The following SETD3 variants were observed in gnomAD, a reference collection of about 807,000 sequenced individuals.
SETD3 encodes SET domain containing 3, actin N3(tau)-histidine methyltransferase.
Under a neutral mutation model 63.0 loss-of-function variants are expected in SETD3, and 19 were observed. The ratio of observed to expected loss-of-function variants is 0.30; its 90% CI spans 0.21 to 0.44. SETD3 has a LOEUF of 0.44. Ranked by LOEUF, SETD3 falls within the 20% of genes least tolerant of loss-of-function variation. SETD3 has a pLI of 1.00. For missense variants in SETD3, 587 were observed against 728.5 expected (o/e 0.81, Z 2.24); for synonymous variants, 286 against 264.1 (o/e 1.08, Z -0.80).
chr14:99,442,991 C>G (rs1893918803), intron 6 of SETD3, among the ~76,000 whole-genome samples: 1 of 152,204 alleles, frequency 6.6e-6, no homozygotes, highest in African/African-American at 2.4e-5. Flanking sequence ...TGTTGTGGCA[C>G]AGACCCCATT....
chr14:99,450,573 AAG>A (rs1171616748), intron 6 of SETD3, among the ~76,000 whole-genome samples: 1 of 152,178 alleles, frequency 6.6e-6, no homozygotes, highest in East Asian at 1.9e-4. Context: ...CTGTTCGAGG[AAG>A]ATGGCCAACT....
chr14:99,448,512 A>C (rs1894267337), intron 6 of SETD3, among the ~76,000 whole-genome samples: 1 of 152,174 alleles, frequency 6.6e-6, no homozygotes, highest in Admixed American at 6.5e-5. Flanking sequence ...CTAGATGAAC[A>C]ACCTGAAAAC....
chr14:99,467,445 C>T (rs1435304564), intron 1 of SETD3, among the ~76,000 whole-genome samples: 2 of 152,236 alleles, frequency 1.3e-5, no homozygotes, highest in Non-Finnish European at 2.9e-5. Context: ...AAGGGCACAG[C>T]CTGGACACAG....
At chr14:99,472,652 A>G in intron 1 of SETD3, among the ~76,000 whole-genome samples, 1 of 152,256 alleles carries the variant, frequency 6.6e-6, no homozygotes, top group African/African-American at 2.4e-5. Flanking sequence ...TTAGGAAAAT[A>G]TAAATGCATA....
chr14:99,425,496 G>C (rs1351579338), intron 6 of SETD3, among the ~76,000 whole-genome samples: 1 of 152,264 alleles, frequency 6.6e-6, no homozygotes, highest in Non-Finnish European at 1.5e-5. Context: ...AGTGCCTAAG[G>C]TTTCTGTGCT....
intron 1 of SETD3, among the ~76,000 whole-genome samples, chr14:99,472,732 T>C (rs1267011399): frequency 6.6e-6 from 1 of 152,196 alleles, no homozygotes; most frequent in Non-Finnish European, 1.5e-5. Flanking sequence ...GAAGGTACAA[T>C]GCTAACTCAA....
chr14:99,443,082 T>A (rs1270415193), intron 6 of SETD3, among the ~76,000 whole-genome samples: 2 of 152,312 alleles, frequency 1.3e-5, no homozygotes, highest in African/African-American at 4.8e-5. Context: ...TACAAGGTTA[T>A]TGTGAGGGCG....
At chr14:99,404,698 T>G (rs1299849212) in intron 10 of SETD3, among the ~76,000 whole-genome samples, 6 of 152,220 alleles carry the variant, frequency 3.9e-5, no homozygotes, top group African/African-American at 1.4e-4. Context: ...AAAAAAGGTC[T>G]GCATAATCCA....
intron 4 of SETD3, among the ~76,000 whole-genome samples, chr14:99,460,153 A>T (rs1894989191): frequency 7.8e-6 from 1 of 127,670 alleles, no homozygotes; most frequent in African/African-American, 2.7e-5. Context: ...ATCATGAAGG[A>T]AGAGACTGGT....
At chr14:99,469,564 C>T (rs1384861731) in intron 1 of SETD3, among the ~76,000 whole-genome samples, 4 of 152,118 alleles carry the variant, frequency 2.6e-5, no homozygotes, top group African/African-American at 7.2e-5. Flanking sequence ...GAAAACATGG[C>T]AAAACCTTGT....
At chr14:99,402,624 C>A (rs1475140873) in intron 11 of SETD3, among the ~76,000 whole-genome samples, 1 of 152,166 alleles carries the variant, frequency 6.6e-6, no homozygotes, top group African/African-American at 2.4e-5. Context: ...CTGGGTCTCA[C>A]TCTGTCACCC....
intron 6 of SETD3, among the ~76,000 whole-genome samples, chr14:99,420,088 G>A (rs1892505477): frequency 6.6e-6 from 1 of 152,200 alleles, no homozygotes; most frequent in Non-Finnish European, 1.5e-5. Flanking sequence ...TGGTAGGCAA[G>A]GTCATGCAAA....
upstream of SETD3, among the ~76,000 whole-genome samples, chr14:99,482,840 T>C (rs958869380): frequency 2.9e-5 from 4 of 139,876 alleles, no homozygotes; most frequent in Admixed American, 7.6e-5. Context: ...TTTCAGGACA[T>C]TATATTTGAA....
At chr14:99,443,779 G>GT (rs1893974060) in intron 6 of SETD3, among the ~76,000 whole-genome samples, 1 of 152,170 alleles carries the variant, frequency 6.6e-6, no homozygotes, top group Non-Finnish European at 1.5e-5. Flanking sequence ...AAACAAAACT[G>GT]TAAGATGAAG....
chr14:99,410,202 G>A, intron 8 of SETD3: 1 of 1,613,630 alleles, frequency 6.2e-7, no homozygotes, highest in Non-Finnish European at 8.5e-7. Context: ...AAGAGCGAAG[G>A]AATCTTCTGG....
chr14:99,479,107 G>C (rs1896125544), intron 1 of SETD3, among the ~76,000 whole-genome samples: 1 of 152,178 alleles, frequency 6.6e-6, no homozygotes, highest in Non-Finnish European at 1.5e-5. Context: ...AAAAAGCACT[G>C]AGATGTTAGC....
At chr14:99,410,149 G>C in intron 8 of SETD3, 1 of 1,581,854 alleles carries the variant, frequency 6.3e-7, no homozygotes, top group African/African-American at 1.3e-5. Flanking sequence ...AGTGAGTCCC[G>C]TAAGTGCCTA....
intron 6 of SETD3, among the ~76,000 whole-genome samples, chr14:99,429,877 T>C (rs1404787591): frequency 6.6e-6 from 1 of 152,256 alleles, no homozygotes; most frequent in African/African-American, 2.4e-5. Flanking sequence ...GGATTTATTT[T>C]GGTCTCCTCA....
intron 8 of SETD3, among the ~76,000 whole-genome samples, chr14:99,407,591 G>A (rs759365975): frequency 1.6e-4 from 24 of 152,196 alleles, no homozygotes; most frequent in South Asian, 4.1e-4. Flanking sequence ...TCCTGAGCAC[G>A]GCCGAATAAG....
Sources: allele counts gnomAD v4.1 joint callset (sites outside exome capture counted in the v4.1 genomes callset), GRCh38; gene constraint gnomAD v4.1.1; transcripts MANE v1.5; gene names NCBI Gene and HGNC (gene_info 2026-07-23, HGNC 2026-07-21).